The following COA7 variants were observed in gnomAD, a reference collection of about 807,000 sequenced individuals.
COA7 encodes cytochrome c oxidase assembly factor 7.
Under a neutral mutation model 21.0 loss-of-function variants are expected in COA7, and 12 were observed. The observed-to-expected ratio is 0.57, with a 90% CI of 0.37 to 0.92. The LOEUF is 0.92. Among genes scored for constraint, COA7 ranks in the 40% least tolerant of loss-of-function variants. The pLI, the probability that COA7 is intolerant of heterozygous loss-of-function variation, is 0.01. For synonymous variants in COA7, 95 were observed against 107.4 expected (o/e 0.88, Z 0.72); for missense variants, 240 against 286.1 (o/e 0.84, Z 1.16).
intron 1 of COA7, among the ~76,000 whole-genome samples, chr1:52,696,281 C>T (rs1158449215): frequency 6.6e-6 from 1 of 152,168 alleles, no homozygotes; most frequent in Non-Finnish European, 1.5e-5. Flanking sequence ...TCAAGCCATT[C>T]TCCTGTCTCA....
Position 52,688,109 on chromosome 1 carries a change from G to A in COA7, c.307C>T (p.Pro103Ser). 6.2e-7 allele frequency: 1 copy of A among 1,613,872 alleles called. No homozygotes were observed. Among genetic ancestry groups the A allele is most frequent in the African/African-American group, 1.3e-5 (1 of 75,014 alleles). Residue 103 changes from proline to serine, a missense_variant, in exon 3 of 3, where the codon CCT (proline) becomes TCT (serine). This residue lies in a region of COA7 where 163 missense variants were observed against 214.1 expected (regional missense o/e 0.76). Coordinates refer to ENST00000371538, the MANE Select transcript of COA7 (RefSeq NM_023077.3). Reference sequence around the variant, plus strand: ...CATGCTGCTATTGACTTCTTTCCAGGCTTCTCACACGCCATCAAAAAGCAC... The same window carrying A: ...CATGCTGCTATTGACTTCTTTCCAGACTTCTCACACGCCATCAAAAAGCAC... ...ARCFLMACEK[P>S]GKKSIAACHN... is the part of the protein sequence containing the mutation.
intron 1 of COA7, among the ~76,000 whole-genome samples, chr1:52,694,130 G>A (rs901047965): frequency 2.0e-5 from 3 of 152,154 alleles, no homozygotes; most frequent in African/African-American, 7.2e-5. Flanking sequence ...GGAGGATGGT[G>A]AGGAATAAAA....
In COA7 at chr1:52,698,320, C is replaced by T. The variant is rs778029694; in HGVS notation, c.7G>A (p.Gly3Ser). MA[G>S]MVDFQDEEQV... Reference sequence around the variant, plus strand: ...TCCTCATCCTGGAAGTCCACCATGCCGGCCATGGTTCGCGCCGGCCCAAAG... The same window carrying T: ...TCCTCATCCTGGAAGTCCACCATGCTGGCCATGGTTCGCGCCGGCCCAAAG... The change falls in exon 1 of 3, where the codon GGC (glycine) becomes AGC (serine). Residue 3 changes from glycine (G) to serine (S), a missense_variant. Physicochemically the swap from Gly to Ser is moderately conservative, Grantham distance 56. Coordinates refer to ENST00000371538, the MANE Select transcript of COA7 (RefSeq NM_023077.3). The T allele has an allele frequency of 6.2e-6, 10 of 1,610,414 alleles. No individual in the cohort carries two copies. The South Asian group carries it at 6.6e-5, about 11-fold the overall frequency.
At chr1:52,697,396 G>T (rs781618053) in intron 1 of COA7, among the ~76,000 whole-genome samples, 16 of 152,138 alleles carry the variant, frequency 1.1e-4, no homozygotes, top group South Asian at 8.3e-4. Flanking sequence ...GATTCAGGGC[G>T]TCTTCGCCAG....
chr1:52,689,591 A>C (rs1255373420), intron 2 of COA7, among the ~76,000 whole-genome samples: 1 of 151,916 alleles, frequency 6.6e-6, no homozygotes, highest in African/African-American at 2.4e-5. Context: ...TAAGTAATTG[A>C]TTTAAAATAC....
rs1254086871 is a variant in COA7, at chr1:52,688,032, C to T, written c.384G>A (p.Gln128=). Residue 128 remains glutamine, a synonymous_variant, in exon 3 of 3, where the codon CAG becomes CAA. Coordinates refer to ENST00000371538, the MANE Select transcript of COA7 (RefSeq NM_023077.3). ...AGTCCCTGGCCTTTCCCAAGTCAGG[C>T]TGGCCATCCTCATTAACCTGTCCAT... ...AHDGQVNEDG[Q]PDLGKARDYY... The T allele has an allele frequency of 6.2e-7, 1 of 1,614,088 alleles. No individual in the cohort carries two copies. The highest frequency in any genetic ancestry group is 1.7e-5 in the Admixed American group (1 of 60,002).
Position 52,686,997 on chromosome 1 carries a change from A to G in COA7, c.*723T>C, listed in dbSNP as rs567252177. On this transcript the variant is annotated 3_prime_UTR_variant, in exon 3 of 3. Coordinates refer to ENST00000371538, the MANE Select transcript of COA7 (RefSeq NM_023077.3). ...GGGCAGTGCCAGGCGACTACACTGG[A>G]GGTGCTAATTTTTAACTGCCAATGT... 6.6e-6 allele frequency: 1 copy of G among 152,314 alleles called. No individual in the cohort carries two copies. Among genetic ancestry groups the G allele is most frequent in the Admixed American group, 6.5e-5 (1 of 15,286 alleles). 9.4% of individuals were successfully genotyped at this position (152,314 alleles called of 1,614,324 possible).
rs187158436 is a variant in COA7, at chr1:52,697,717, C to T, written c.106+504G>A. On this transcript the variant is annotated intron_variant, in intron 1 of 2. Transcript: ENST00000371538. ...CCTCCCGAGTAGCTGGGAATACAGGCGCCTGCCACCACGCCCGGCTAATTT... is the reference window on the plus strand; with the variant it reads ...CCTCCCGAGTAGCTGGGAATACAGGTGCCTGCCACCACGCCCGGCTAATTT... 4.9e-3 allele frequency among the ~76,000 whole-genome samples: 748 copies of T among 152,108 alleles called. 11 individuals carry two copies. The highest frequency in any genetic ancestry group is 0.021 in the Admixed American group (324 of 15,294).
rs746306988 is a variant in COA7, at chr1:52,695,167, G to A, written c.107-2300C>T. Among the ~76,000 whole-genome samples the A allele has an allele frequency of 7.2e-5, 11 of 152,174 alleles. No homozygotes were observed. In the East Asian group the frequency reaches 1.7e-3, roughly 24 times the overall value. On this transcript the variant is annotated intron_variant, in intron 1 of 2. Coordinates refer to ENST00000371538, the MANE Select transcript of COA7 (RefSeq NM_023077.3). ...AAATTAGCCAGGCTTGGTGGCGCAC[G>A]CTTGTAATTCCAGCTACTTGGGAGG...
rs748392489 is a variant in COA7 at position 52,698,313 on chromosome 1, A to G, written c.14T>C (p.Val5Ala). 1 of 1,611,284 alleles carries G rather than the reference A, an allele frequency of 6.2e-7. No individual in the cohort carries two copies. The highest frequency in any genetic ancestry group is 1.1e-5 in the South Asian group (1 of 91,034). ...GACCTGCTCCTCATCCTGGAAGTCC[A>G]CCATGCCGGCCATGGTTCGCGCCGG... Reference protein sequence around the residue: MAGMVDFQDEEQVKS... With the variant: MAGMADFQDEEQVKS... Residue 5 changes from valine (V) to alanine (A), a missense_variant, in exon 1 of 3, where the codon GTG becomes GCG. This residue lies in a region of COA7 where 71 missense variants were observed against 54.7 expected (regional missense o/e 1.30). Coordinates refer to ENST00000371538, the MANE Select transcript of COA7 (RefSeq NM_023077.3).
chr1:52,693,532 G>A lies in COA7; in HGVS notation c.107-665C>T, dbSNP rs1371877841. ...AAGGCAGGAGAATCGCTTGAACCCA[G>A]GGGGCGGAGGTTGCGGCGGGCCGAG... On this transcript the variant is annotated intron_variant, in intron 1 of 2. Transcript: ENST00000371538. Among the ~76,000 whole-genome samples, 4 of 151,962 alleles carry A rather than the reference G, an allele frequency of 2.6e-5. No homozygotes were observed. In the East Asian group the frequency reaches 7.7e-4, roughly 29 times the overall value.
rs771429409 is a variant in COA7 at position 52,698,244 on chromosome 1, C to T, written c.83G>A (p.Cys28Tyr). ...ENMEVECNYH[C>Y]YHEKDPDGCY... is the part of the protein sequence containing the mutation. Reference sequence around the variant, plus strand: ...ACCGTCCGGGTCCTTCTCGTGGTAGCAGTGGTAGTTGCACTCCACCTCCAT... The same window carrying T: ...ACCGTCCGGGTCCTTCTCGTGGTAGTAGTGGTAGTTGCACTCCACCTCCAT... The change falls in exon 1 of 3, where the codon TGC becomes TAC. Residue 28 changes from cysteine (C) to tyrosine (Y), a missense_variant. Around this residue, in one of 3 missense-constraint regions of COA7, gnomAD observed 71 missense variants for 54.7 expected, o/e 1.30. Transcript: ENST00000371538. The T allele has an allele frequency of 6.2e-7, 1 of 1,612,308 alleles. No homozygotes were observed. The highest frequency in any genetic ancestry group is 8.5e-7 in the Non-Finnish European group (1 of 1,179,460).
chr1:52,687,462 C>A lies in COA7; in HGVS notation c.*258G>T. On this transcript the variant is annotated 3_prime_UTR_variant, in exon 3 of 3. Transcript: ENST00000371538. ...AGACCCCCATAAACATGGCTATCTT[C>A]ACAGAACATCCAGATGAAGGAATAT... 2.1e-6 allele frequency: 1 copy of A among 476,486 alleles called. No individual in the cohort carries two copies. The highest frequency in any genetic ancestry group is 3.7e-6 in the Non-Finnish European group (1 of 267,450). The allele number at this position is 476,486 out of a possible 1,614,324, so 29.5% of individuals were successfully genotyped here. A position where few individuals can be genotyped will look rare whatever the true frequency, so the allele number is the denominator to read the frequency against.
intron 2 of COA7, among the ~76,000 whole-genome samples, chr1:52,691,341 G>A (rs1644045151): frequency 6.6e-6 from 1 of 151,364 alleles, no homozygotes; most frequent in Non-Finnish European, 1.5e-5. Context: ...CTGAGCCCAG[G>A]AGCTCAAGGC....
chr1:52,692,621 T>C (rs992181826), intron 2 of COA7, 106 bp downstream of exon 2: 1 of 1,326,062 alleles, frequency 7.5e-7, no homozygotes, highest in East Asian at 2.3e-5. Context: ...TACAATGCAC[T>C]TTCCCAATGC....
At chr1:52,691,115 CAAA>C (rs1052083484) in intron 2 of COA7, among the ~76,000 whole-genome samples, 1 of 141,726 alleles carries the variant, frequency 7.1e-6, no homozygotes, top group African/African-American at 2.6e-5. Context: ...GACCCTGTCT[CAAA>C]AAAAAAAAGA....
rs759350756 is a variant in COA7 at position 52,687,791 on chromosome 1, C to T, written c.625G>A (p.Val209Met). Residue 209 changes from valine (V) to methionine (M), a missense_variant, in exon 3 of 3, where the codon GTG (valine) becomes ATG (methionine). Around this residue, in one of 3 missense-constraint regions of COA7, gnomAD observed 163 missense variants for 214.1 expected, o/e 0.76. Transcript: ENST00000371538. ...AGCTGCTGGGCTCGATTTTTTAGCA[C>T]CTCGGCCTTGGCCTCATCCTTATCA... ...GVDKDEAKAE[V>M]LKNRAQQLHK... is the part of the protein sequence containing the mutation. 1.2e-6 allele frequency: 2 copies of T among 1,614,250 alleles called. No individual in the cohort carries two copies. Among genetic ancestry groups the T allele is most frequent in the East Asian group, 4.5e-5 (2 of 44,886 alleles).
intron 2 of COA7, among the ~76,000 whole-genome samples, chr1:52,690,457 C>A (rs774848046): frequency 6.6e-6 from 1 of 151,080 alleles, no homozygotes; most frequent in Non-Finnish European, 1.5e-5. Context: ...AAAATTGGAT[C>A]ACAAATGCTA....
At chr1:52,694,850 A>G (rs146387953) in intron 1 of COA7, among the ~76,000 whole-genome samples, 2 of 152,352 alleles carry the variant, frequency 1.3e-5, no homozygotes, top group East Asian at 3.9e-4. Flanking sequence ...TTTGGCACGA[A>G]TAAGGTACAA....
Sources: allele counts gnomAD v4.1 joint callset (sites outside exome capture counted in the v4.1 genomes callset), GRCh38; gene constraint gnomAD v4.1.1; regional missense constraint gnomAD v4.1.1; transcripts MANE v1.5; gene names NCBI Gene and HGNC (gene_info 2026-07-23, HGNC 2026-07-21).